LRRC4C: variants seen among roughly 807,000 people sequenced by gnomAD.
The protein encoded by LRRC4C is leucine-rich repeat-containing protein 4C.
In LRRC4C, 5 loss-of-function variants were observed where a neutral mutation model predicts 33.6. That is an observed-to-expected ratio of 0.15 (90% CI 0.08 to 0.31). The LOEUF (loss-of-function observed/expected upper bound fraction) is 0.31. LRRC4C is among the 10% of genes least tolerant of loss of function. The probability of loss-of-function intolerance (pLI) is 1.00; values close to 1 mark genes in which losing one functional copy is unlikely to be tolerated. For synonymous variants in LRRC4C, 329 were observed against 302.0 expected (o/e 1.09, Z -0.93); for missense variants, 560 against 796.7 (o/e 0.70, Z 3.58).
At chr11:40,839,118 G>C (rs1226525504) in intron 2 of LRRC4C, among the ~76,000 whole-genome samples, 1 of 152,038 alleles carries the variant, frequency 6.6e-6, no homozygotes, top group Non-Finnish European at 1.5e-5. Context: ...GTGCAATACT[G>C]TCTCTAAATT....
chr11:40,893,076 A>G (rs1419990666), intron 2 of LRRC4C, among the ~76,000 whole-genome samples: 1 of 152,228 alleles, frequency 6.6e-6, no homozygotes, highest in Non-Finnish European at 1.5e-5. Flanking sequence ...ACTTACAGCA[A>G]TATGAACGGG....
chr11:40,748,979 A>T (rs1310627054), intron 2 of LRRC4C, among the ~76,000 whole-genome samples: 1 of 152,160 alleles, frequency 6.6e-6, no homozygotes, highest in East Asian at 1.9e-4. Flanking sequence ...ACCCAGATGT[A>T]TAAAGCAAAT....
intron 1 of LRRC4C, among the ~76,000 whole-genome samples, chr11:41,312,037 A>T (rs1950656590): frequency 6.6e-6 from 1 of 152,236 alleles, no homozygotes; most frequent in Non-Finnish European, 1.5e-5. Flanking sequence ...CAATTAACAG[A>T]AGCTTTAACA....
chr11:41,299,394 A>G (rs1056360641), intron 1 of LRRC4C, among the ~76,000 whole-genome samples: 9 of 152,098 alleles, frequency 5.9e-5, no homozygotes, highest in African/African-American at 2.2e-4. Flanking sequence ...TACTCACTTC[A>G]ACAATCACAG....
chr11:41,226,577 T>G (rs1354276655), intron 1 of LRRC4C, among the ~76,000 whole-genome samples: 1 of 152,090 alleles, frequency 6.6e-6, no homozygotes, highest in African/African-American at 2.4e-5. Flanking sequence ...CAAGTGCTTT[T>G]TCTTTTGCTT....
chr11:41,122,308 G>A (rs1459349586), intron 1 of LRRC4C, among the ~76,000 whole-genome samples: 1 of 152,088 alleles, frequency 6.6e-6, no homozygotes, highest in Non-Finnish European at 1.5e-5. Flanking sequence ...CGGGAAACAA[G>A]TCTACCCTCA....
intron 4 of LRRC4C, among the ~76,000 whole-genome samples, chr11:40,260,423 A>T (rs2136250340): frequency 7.4e-6 from 1 of 134,670 alleles, no homozygotes; most frequent in Non-Finnish European, 1.6e-5. Context: ...GGGAGGGGGG[A>T]GGGATAGCAT....
intron 5 of LRRC4C, among the ~76,000 whole-genome samples, chr11:40,223,441 C>A (rs1016272289): frequency 4.6e-5 from 7 of 152,254 alleles, no homozygotes; most frequent in Admixed American, 6.5e-5. Flanking sequence ...ATGTCATGAT[C>A]CTCACTTTCA....
chr11:41,174,654 A>G (rs938740885), intron 1 of LRRC4C, among the ~76,000 whole-genome samples: 23 of 152,092 alleles, frequency 1.5e-4, no homozygotes, highest in African/African-American at 5.3e-4. Flanking sequence ...GACATGCTCA[A>G]CTGCATTTTG....
chr11:41,372,846 A>G (rs569539640), intron 1 of LRRC4C, among the ~76,000 whole-genome samples: 39 of 152,174 alleles, frequency 2.6e-4, no homozygotes, highest in Non-Finnish European at 5.3e-4. Context: ...ATATTCCAGA[A>G]GAAATCATAA....
chr11:40,123,211 A>T (rs953944987), intron 6 of LRRC4C, among the ~76,000 whole-genome samples: 1 of 152,092 alleles, frequency 6.6e-6, no homozygotes, highest in African/African-American at 2.4e-5. Context: ...CTCCAATAAT[A>T]CTATTTATAG....
intron 1 of LRRC4C, among the ~76,000 whole-genome samples, chr11:41,133,874 C>T (rs1943134248): frequency 6.6e-6 from 1 of 152,108 alleles, no homozygotes; most frequent in African/African-American, 2.4e-5. Context: ...TATGAATCCA[C>T]CTATAACCTG....
intron 2 of LRRC4C, among the ~76,000 whole-genome samples, chr11:40,916,657 C>A (rs540114952): frequency 6.6e-6 from 1 of 151,568 alleles, no homozygotes; most frequent in Non-Finnish European, 1.5e-5. Flanking sequence ...TGTAACAAAC[C>A]TGCACGTTGT....
intron 1 of LRRC4C, among the ~76,000 whole-genome samples, chr11:41,456,026 T>C (rs1163979058): frequency 6.6e-6 from 1 of 152,176 alleles, no homozygotes; most frequent in Non-Finnish European, 1.5e-5. Context: ...TATTCACACA[T>C]CAATTAATCC....
At chr11:41,203,904 G>A (rs1946496206) in intron 1 of LRRC4C, among the ~76,000 whole-genome samples, 1 of 152,130 alleles carries the variant, frequency 6.6e-6, no homozygotes, top group Admixed American at 6.6e-5. Flanking sequence ...GAAAATCGCT[G>A]ACAGGTGATG....
Position 40,598,977 on chromosome 11 carries a change from A to G in LRRC4C, c.-270+49165T>C, listed in dbSNP as rs535047417. Among the ~76,000 whole-genome samples, 3 of 152,296 alleles carry G rather than the reference A, an allele frequency of 2.0e-5. No homozygotes were observed. The South Asian group carries it at 6.2e-4, about 32-fold the overall frequency. On this transcript the variant is annotated intron_variant, in intron 3 of 6. Transcript: ENST00000528697. ...ATGGCACATGAGTGGGCCGCTGTCT[A>G]TATTTGTGACCTTATCTACAATTTC...
chr11:41,366,665 T>C (rs2137730783), intron 1 of LRRC4C, among the ~76,000 whole-genome samples: 1 of 152,228 alleles, frequency 6.6e-6, no homozygotes, highest in African/African-American at 2.4e-5. Context: ...GTAGATAAGG[T>C]CTTTAAGGAA....
chr11:40,991,402 A>C (rs2137253077), intron 1 of LRRC4C, among the ~76,000 whole-genome samples: 1 of 152,274 alleles, frequency 6.6e-6, no homozygotes, highest in Middle Eastern at 3.4e-3. Flanking sequence ...AATGCCTTAT[A>C]ATGTAACACA....
chr11:41,356,432 G>T (rs1383372324), intron 1 of LRRC4C, among the ~76,000 whole-genome samples: 1 of 152,120 alleles, frequency 6.6e-6, no homozygotes, highest in African/African-American at 2.4e-5. Context: ...TGACTCATGG[G>T]TAAGGGGCCC....
Sources: gnomAD v4.1 joint callset for allele counts (sites outside exome capture counted in the v4.1 genomes callset) on GRCh38, gnomAD v4.1.1 for gene constraint, MANE v1.5 for transcripts, NCBI Gene and HGNC (gene_info 2026-07-23, HGNC 2026-07-21) for gene names.